CSMD1: variants seen among roughly 807,000 people sequenced by gnomAD.
CSMD1 encodes CUB and Sushi multiple domains 1.
A neutral mutation model predicts 417.5 loss-of-function variants in CSMD1; 213 were observed. The ratio of observed to expected loss-of-function variants is 0.51; its 90% CI spans 0.46 to 0.57. CSMD1 has a LOEUF of 0.57. Ranked by LOEUF, CSMD1 falls within the 20% of genes least tolerant of loss-of-function variation. The probability of loss-of-function intolerance (pLI) is 0.00; values close to 1 mark genes in which losing one functional copy is unlikely to be tolerated. For missense variants in CSMD1, 6,923 were observed against 4,529.7 expected, an observed-to-expected ratio of 1.53 and a Z score of -15.17; for synonymous variants, 2,862 against 1,736.8, an observed-to-expected ratio of 1.65 and a Z score of -16.11.
intron 2 of CSMD1, among the ~76,000 whole-genome samples, chr8:4,453,376 G>T (rs1419416746): frequency 1.3e-5 from 2 of 152,102 alleles, no homozygotes; most frequent in Non-Finnish European, 1.5e-5. Context: ...GGGTCTCCTG[G>T]GCACAGAACT....
chr8:3,678,586 G>C (rs1362680534), intron 7 of CSMD1, among the ~76,000 whole-genome samples: 1 of 152,164 alleles, frequency 6.6e-6, no homozygotes, highest in African/African-American at 2.4e-5. Context: ...GTGACGGGGA[G>C]AATGGAAACA....
intron 3 of CSMD1, among the ~76,000 whole-genome samples, chr8:4,390,007 A>C (rs1466872047): frequency 6.6e-6 from 1 of 152,198 alleles, no homozygotes; most frequent in East Asian, 1.9e-4. Flanking sequence ...ACTTTCCTAG[A>C]TATTACCAAT....
rs564940059 is a variant in CSMD1 at position 3,923,054 on chromosome 8, G to C, written c.818+74849C>G. On this transcript the variant is annotated intron_variant, in intron 5 of 69. Coordinates refer to ENST00000635120, the MANE Select transcript of CSMD1 (RefSeq NM_033225.6). ...CAACAGACAATTGCAAAAACAAGTT[G>C]ACCCTTTTGTGTTCCTGGAGCCCAG... Among the ~76,000 whole-genome samples, 10 of 152,176 alleles carry C rather than the reference G, an allele frequency of 6.6e-5. No individual in the cohort carries two copies. In the South Asian group the frequency reaches 1.2e-3, roughly 19 times the overall value.
intron 2 of CSMD1, among the ~76,000 whole-genome samples, chr8:4,456,072 A>G (rs1482664220): frequency 6.6e-6 from 1 of 150,474 alleles, no homozygotes; most frequent in Admixed American, 6.6e-5. Flanking sequence ...AAAAAAAAAA[A>G]AAAAAAAAAA....
intron 57 of CSMD1, among the ~76,000 whole-genome samples, chr8:2,967,579 T>C (rs1482759179): frequency 6.6e-6 from 1 of 152,132 alleles, no homozygotes; most frequent in South Asian, 2.1e-4. Flanking sequence ...GAAAGATTGC[T>C]ACATTTTCTC....
intron 22 of CSMD1, among the ~76,000 whole-genome samples, 190 bp from the exon 23 acceptor site, chr8:3,343,640 T>G (rs1208830778): frequency 6.6e-6 from 1 of 152,222 alleles, no homozygotes; most frequent in African/African-American, 2.4e-5. Flanking sequence ...ATCTTTACCA[T>G]TAACACTGGA....
intron 2 of CSMD1, among the ~76,000 whole-genome samples, chr8:4,483,003 AATTG>A (rs1332492210): frequency 6.6e-6 from 1 of 152,196 alleles, no homozygotes; most frequent in Non-Finnish European, 1.5e-5. Context: ...ATAGTTTAGC[AATTG>A]ATTGGTTTGG....
intron 1 of CSMD1, among the ~76,000 whole-genome samples, chr8:4,781,476 T>C (rs989546197): frequency 6.6e-6 from 1 of 152,202 alleles, no homozygotes; most frequent in African/African-American, 2.4e-5. Flanking sequence ...GGAGGCAACA[T>C]AATCTCAGAC....
chr8:3,997,942 T>C lies in CSMD1; in HGVS notation c.779A>G (p.Asp260Gly), dbSNP rs1815344193. 2.5e-6 allele frequency: 4 copies of C among 1,612,290 alleles called. No homozygotes were observed. Among genetic ancestry groups the C allele is most frequent in the Non-Finnish European group, 3.4e-6 (4 of 1,179,262 alleles). Residue 260 changes from aspartate (D) to glycine (G), a missense_variant, in exon 5 of 70, where the codon GAT (aspartate) becomes GGT (glycine). Physicochemically the swap from Asp to Gly is moderately conservative, Grantham distance 94 (BLOSUM62 -1). Coordinates refer to ENST00000635120, the MANE Select transcript of CSMD1 (RefSeq NM_033225.6). ...TTCCGTGCCACTGATCTCTAAGAAA[T>C]CATATCCTTCTTCTAGCTGAAAGTC... is the stretch of plus-strand genomic sequence containing the variant. ...FTDFQLEEGY[D>G]FLEISGTEAP...
intron 37 of CSMD1, among the ~76,000 whole-genome samples, chr8:3,169,889 A>G (rs988481010): frequency 2.6e-5 from 4 of 152,174 alleles, no homozygotes; most frequent in Non-Finnish European, 4.4e-5. Flanking sequence ...TGATGTGAGA[A>G]TGGGCTGGCT....
chr8:3,963,672 T>C (rs1400469332), intron 5 of CSMD1, among the ~76,000 whole-genome samples: 3 of 152,230 alleles, frequency 2.0e-5, no homozygotes, highest in Non-Finnish European at 4.4e-5. Flanking sequence ...TGATTTTGTA[T>C]GTGTGTAAGT....
At chr8:3,106,368 C>G (rs1816149227) in intron 46 of CSMD1, among the ~76,000 whole-genome samples, 160 bp downstream of exon 46, 1 of 152,074 alleles carries the variant, frequency 6.6e-6, no homozygotes, top group South Asian at 2.1e-4. Context: ...ACTGTACTCC[C>G]ACCTGGGTGA....
chr8:3,040,464 CTA>C (rs1321414833), intron 50 of CSMD1, among the ~76,000 whole-genome samples: 9 of 146,658 alleles, frequency 6.1e-5, no homozygotes, highest in Non-Finnish European at 1.0e-4. Context: ...TGAAATCTAT[CTA>C]TCTATATATA....
Position 3,903,579 on chromosome 8 carries a change from C to A in CSMD1, c.818+94324G>T, listed in dbSNP as rs560712542. Among the ~76,000 whole-genome samples the A allele has an allele frequency of 2.2e-4, 34 of 152,228 alleles. No individual in the cohort carries two copies. In the South Asian group the frequency reaches 4.4e-3, roughly 20 times the overall value. On this transcript the variant is annotated intron_variant, in intron 5 of 69. Transcript: ENST00000635120. ...TTTCAATGTGTAGAATATTACGGTG[C>A]CTTTTTCTTCATACTTAGTTCACTA... is the stretch of plus-strand genomic sequence containing the variant.
At chr8:4,852,722 G>T (rs1001533713) in intron 1 of CSMD1, among the ~76,000 whole-genome samples, 1 of 152,138 alleles carries the variant, frequency 6.6e-6, no homozygotes, top group African/African-American at 2.4e-5. Context: ...GAGATCCTTA[G>T]AAACTGGTTA....
chr8:4,349,144 G>A (rs1042019386), intron 3 of CSMD1, among the ~76,000 whole-genome samples: 1 of 152,170 alleles, frequency 6.6e-6, no homozygotes, highest in Non-Finnish European at 1.5e-5. Context: ...TCCGAATACA[G>A]AGCTTGCATA....
chr8:3,114,101 A>G (rs1816705702), intron 42 of CSMD1, among the ~76,000 whole-genome samples: 1 of 152,020 alleles, frequency 6.6e-6, no homozygotes, highest in South Asian at 2.1e-4. Flanking sequence ...TTAATTATCC[A>G]TGCATGCGAG....
rs1290469594 is a variant in CSMD1, at chr8:3,660,123, C to T, written c.1010-43326G>A. ...TATGTGGCTGACATTTTATAGTTTG[C>T]AAAATACTTTCAACTACATTATTTC... On this transcript the variant is annotated intron_variant, in intron 7 of 69. Transcript: ENST00000635120. Among the ~76,000 whole-genome samples, 3 of 152,126 alleles carry T rather than the reference C, an allele frequency of 2.0e-5. No individual in the cohort carries two copies. The East Asian group carries it at 5.8e-4, about 29-fold the overall frequency.
Position 3,490,851 on chromosome 8 carries a change from G to C in CSMD1, c.1448+2772C>G, listed in dbSNP as rs995514126. Among the ~76,000 whole-genome samples, 4 of 150,746 alleles carry C rather than the reference G, an allele frequency of 2.7e-5. No homozygotes were observed. In the Middle Eastern group the frequency reaches 9.6e-3, roughly 360 times the overall value. Reference sequence around the variant, plus strand: ...TCTGGGCCCTCAGATGTAGGACTCTGTTTTTAAAAATAAAAAGAAAAAAAT... The same window carrying C: ...TCTGGGCCCTCAGATGTAGGACTCTCTTTTTAAAAATAAAAAGAAAAAAAT... On this transcript the variant is annotated intron_variant, in intron 11 of 69. Transcript: ENST00000635120.
Sources: allele counts gnomAD v4.1 joint callset (sites outside exome capture counted in the v4.1 genomes callset), GRCh38; gene constraint gnomAD v4.1.1; transcripts MANE v1.5; gene names NCBI Gene and HGNC (gene_info 2026-07-23, HGNC 2026-07-21).